TLE1: variants seen among roughly 807,000 people sequenced by gnomAD.
TLE1 encodes the protein transducin-like enhancer protein 1.
TLE1 carries 21 observed loss-of-function variants against 89.8 expected under a neutral mutation model. The ratio of observed to expected loss-of-function variants is 0.23; its 90% CI spans 0.17 to 0.34. TLE1 has a LOEUF of 0.34. TLE1 is among the 10% of genes least tolerant of loss of function. The pLI, the probability that TLE1 is intolerant of heterozygous loss-of-function variation, is 1.00. For missense variants in TLE1, 795 were observed against 1,031.2 expected (o/e 0.77, Z 3.14); for synonymous variants, 447 against 407.6 (o/e 1.10, Z -1.16).
intron 8 of TLE1, among the ~76,000 whole-genome samples, chr9:81,632,400 G>A (rs1451650161): frequency 6.7e-6 from 1 of 150,364 alleles, no homozygotes; most frequent in East Asian, 1.9e-4. Flanking sequence ...GAAGAGGGGG[G>A]AAAAAACCCT....
intron 9 of TLE1, among the ~76,000 whole-genome samples, chr9:81,619,412 G>A (rs913364679): frequency 3.3e-5 from 5 of 152,166 alleles, no homozygotes; most frequent in African/African-American, 4.8e-5. Context: ...AAATCACTGG[G>A]ATGTTATAAG....
intron 5 of TLE1, 74 bp downstream of exon 5, chr9:81,653,900 C>T (rs1829853174): frequency 1.5e-6 from 2 of 1,373,128 alleles, no homozygotes; most frequent in South Asian, 1.2e-5. Flanking sequence ...ATAAAATTAA[C>T]ATCTTAAAAC....
intron 6 of TLE1, 71 bp downstream of exon 6, chr9:81,652,143 A>G (rs1029194120): frequency 1.4e-6 from 2 of 1,443,160 alleles, no homozygotes; most frequent in Non-Finnish European, 1.9e-6. Context: ...ACACACGTAA[A>G]GCCATCAAAT....
At chr9:81,667,956 G>C (rs765877046) in intron 4 of TLE1, among the ~76,000 whole-genome samples, 1 of 152,188 alleles carries the variant, frequency 6.6e-6, no homozygotes, top group Non-Finnish European at 1.5e-5. Context: ...CTGAGGCCAA[G>C]AGTTCGAGAT....
intron 3 of TLE1, 37 bp downstream of exon 3, chr9:81,685,796 A>G (rs754866214): frequency 8.7e-6 from 14 of 1,613,148 alleles, no homozygotes; most frequent in African/African-American, 1.3e-5. Flanking sequence ...TGCTAATATC[A>G]TATGAAAAAG....
intron 14 of TLE1, among the ~76,000 whole-genome samples, chr9:81,597,458 G>C (rs946341063): frequency 6.6e-6 from 1 of 152,174 alleles, no homozygotes; most frequent in South Asian, 2.1e-4. Flanking sequence ...GGTGAGAGTG[G>C]GGGAAATGGC....
At chr9:81,614,709 A>G (rs990519617) in intron 11 of TLE1, among the ~76,000 whole-genome samples, 3 of 152,080 alleles carry the variant, frequency 2.0e-5, no homozygotes, top group Non-Finnish European at 4.4e-5. Flanking sequence ...GCAGTCTACA[A>G]AGTTTGATTG....
At chr9:81,585,859 T>C (rs2131732675) in intron 17 of TLE1, among the ~76,000 whole-genome samples, 1 of 152,248 alleles carries the variant, frequency 6.6e-6, no homozygotes, top group South Asian at 2.1e-4. Flanking sequence ...TTTGAACCCC[T>C]CTGTCTTTTG....
intron 4 of TLE1, among the ~76,000 whole-genome samples, chr9:81,673,251 G>A (rs1221059197): frequency 2.8e-5 from 4 of 144,010 alleles, no homozygotes; most frequent in Non-Finnish European, 6.0e-5. Flanking sequence ...CCAGCCTGGG[G>A]GACAAGAGCG....
intron 14 of TLE1, among the ~76,000 whole-genome samples, chr9:81,604,342 G>A (rs1831356525): frequency 1.3e-5 from 2 of 152,132 alleles, no homozygotes; most frequent in Non-Finnish European, 1.5e-5. Context: ...CAGGTGATGT[G>A]GGAACCCTAA....
At chr9:81,618,884 G>A (rs1267889088) in intron 9 of TLE1, among the ~76,000 whole-genome samples, 2 of 152,120 alleles carry the variant, frequency 1.3e-5, no homozygotes, top group East Asian at 1.9e-4. Flanking sequence ...TCACAGGACA[G>A]TACATGTCTG....
chr9:81,624,185 C>A (rs935983218), intron 8 of TLE1, among the ~76,000 whole-genome samples: 2 of 152,188 alleles, frequency 1.3e-5, no homozygotes, highest in African/African-American at 2.4e-5. Context: ...TCTGACCTAC[C>A]TCCTAACCAA....
At chr9:81,645,302 G>A (rs1023512673) in intron 6 of TLE1, among the ~76,000 whole-genome samples, 8 of 151,520 alleles carry the variant, frequency 5.3e-5, no homozygotes, top group South Asian at 2.1e-4. Context: ...GGCAGAGGTT[G>A]CAGTGAGCGC....
At chr9:81,620,778 G>A in intron 8 of TLE1, 1 of 964,164 alleles carries the variant, frequency 1.0e-6, no homozygotes, top group Non-Finnish European at 1.2e-6. Flanking sequence ...AAAGCTAGGT[G>A]GATTCTTCAG....
At chr9:81,676,611 A>G (rs1832935341) in intron 4 of TLE1, among the ~76,000 whole-genome samples, 1 of 152,226 alleles carries the variant, frequency 6.6e-6, no homozygotes, top group African/African-American at 2.4e-5. Context: ...CAGGAAGGGA[A>G]AGTACTCAGG....
intron 4 of TLE1, among the ~76,000 whole-genome samples, chr9:81,671,718 C>T (rs1326981876): frequency 6.6e-6 from 1 of 152,108 alleles, no homozygotes; most frequent in African/African-American, 2.4e-5. Flanking sequence ...TATACTTCCT[C>T]CTTATACTTC....
At chr9:81,635,234 C>T (rs1588062276) in intron 6 of TLE1, among the ~76,000 whole-genome samples, 2 of 152,098 alleles carry the variant, frequency 1.3e-5, no homozygotes, top group East Asian at 3.9e-4. Flanking sequence ...CCAAGCTCCA[C>T]AACTCAAACC....
In TLE1 at chr9:81,657,485, T is replaced by C. The variant is rs148176551; in HGVS notation, c.235-3449A>G. Reference sequence around the variant, plus strand: ...AAGATGCCCTCATCTTTAACTATGATAGCAACTATGTGTTACTACCTAGAA... The same window carrying C: ...AAGATGCCCTCATCTTTAACTATGACAGCAACTATGTGTTACTACCTAGAA... On this transcript the variant is annotated intron_variant, in intron 4 of 19. Transcript: ENST00000376499. Among the ~76,000 whole-genome samples, 7 of 152,322 alleles carry C rather than the reference T, an allele frequency of 4.6e-5. No homozygotes were observed. In the South Asian group the frequency reaches 1.0e-3, roughly 23 times the overall value.
intron 4 of TLE1, among the ~76,000 whole-genome samples, chr9:81,675,510 TTTTG>T: frequency 6.6e-6 from 1 of 152,188 alleles, no homozygotes; most frequent in Admixed American, 6.5e-5. Context: ...AACATGCTAG[TTTTG>T]TTTATCTCTC....
Sources: allele counts gnomAD v4.1 joint callset (sites outside exome capture counted in the v4.1 genomes callset), GRCh38; gene constraint gnomAD v4.1.1; transcripts MANE v1.5; gene names NCBI Gene and HGNC (gene_info 2026-07-23, HGNC 2026-07-21).